Variants in MBNL2 observed in about 807,000 individuals in gnomAD.
The protein encoded by MBNL2 is muscleblind-like protein 2.
Under a neutral mutation model 41.9 loss-of-function variants are expected in MBNL2, and 17 were observed. That is an observed-to-expected ratio of 0.41 (90% CI 0.28 to 0.61). The LOEUF (loss-of-function observed/expected upper bound fraction) is 0.61, where lower values mean the gene tolerates loss of function less well. MBNL2 is among the 20% of genes least tolerant of loss of function. The pLI is 0.35. For synonymous variants in MBNL2, 195 were observed against 182.9 expected (o/e 1.07, Z -0.53); for missense variants, 336 against 505.6 (o/e 0.66, Z 3.22).
chr13:97,303,966 G>T (rs1411015040), intron 2 of MBNL2, among the ~76,000 whole-genome samples: 1 of 152,152 alleles, frequency 6.6e-6, no homozygotes, highest in Non-Finnish European at 1.5e-5. Flanking sequence ...TTTGGTCACT[G>T]GATATAATTT....
chr13:97,153,323 G>A, the MBNL2 span, among the ~76,000 whole-genome samples: 1 of 150,420 alleles, frequency 6.6e-6, no homozygotes, highest in Non-Finnish European at 1.5e-5. Flanking sequence ...GTGTGTGAGT[G>A]TGTGTGTGTG....
intron 2 of MBNL2, among the ~76,000 whole-genome samples, chr13:97,284,073 G>A (rs2053953959): frequency 6.6e-6 from 1 of 152,126 alleles, no homozygotes; most frequent in Non-Finnish European, 1.5e-5. Context: ...AGTTAGACAG[G>A]ATCATCTCTG....
chr13:97,262,877 C>T (rs2048912602), intron 1 of MBNL2, among the ~76,000 whole-genome samples: 1 of 152,186 alleles, frequency 6.6e-6, no homozygotes, highest in African/African-American at 2.4e-5. Flanking sequence ...AATTCTCCTG[C>T]TTCCGCCTCC....
intron 2 of MBNL2, among the ~76,000 whole-genome samples, chr13:97,301,413 C>T (rs1454877028): frequency 6.6e-6 from 1 of 152,176 alleles, no homozygotes; most frequent in African/African-American, 2.4e-5. Context: ...CTAGATAGAT[C>T]TAGATCTGCC....
chr13:97,187,592 T>C, the MBNL2 span, among the ~76,000 whole-genome samples: 1 of 19,576 alleles, frequency 5.1e-5, no homozygotes, highest in Non-Finnish European at 1.5e-4. Context: ...ACTATGCAGC[T>C]TAAAAAAAAA....
chr13:97,356,607 T>G (rs929455921), intron 5 of MBNL2, among the ~76,000 whole-genome samples, 189 bp from the exon 6 acceptor site: 2 of 152,218 alleles, frequency 1.3e-5, no homozygotes, highest in Non-Finnish European at 2.9e-5. Flanking sequence ...TAGAGAACAT[T>G]TTTGTTGTTG....
the MBNL2 span, among the ~76,000 whole-genome samples, chr13:97,191,798 T>G: frequency 6.6e-6 from 1 of 151,970 alleles, no homozygotes; most frequent in African/African-American, 2.4e-5. Context: ...AGAAGAAGCT[T>G]AGGAAGGGGG....
rs576732270 is a variant in MBNL2, at chr13:97,280,475, T to C, written c.174+4066T>C. On this transcript the variant is annotated intron_variant, in intron 2 of 8. Transcript: ENST00000679496. ...TGGGGGAAAATTGTTTAGACAATTT[T>C]TAGAAATTTAGACATAATCTTTTGT... Among the ~76,000 whole-genome samples, 5 of 152,342 alleles carry C rather than the reference T, an allele frequency of 3.3e-5. No homozygotes were observed. The East Asian group carries it at 9.6e-4, about 29-fold the overall frequency.
chr13:97,181,585 G>A, the MBNL2 span, among the ~76,000 whole-genome samples: 8 of 152,176 alleles, frequency 5.3e-5, no homozygotes, highest in African/African-American at 1.9e-4. Flanking sequence ...TTTTGAACAC[G>A]TATAGGAAAG....
the MBNL2 span, among the ~76,000 whole-genome samples, chr13:97,145,957 CTCTTTTCTTTTCTTTTCTTT>C: frequency 0.031 from 4,493 of 144,016 alleles, 230 homozygotes; most frequent in African/African-American, 0.11. Flanking sequence ...CAGGGTTCTA[CTCTTTTCTTTTCTTTTCTTT>C]TCTTTTCTTT....
At chr13:97,361,266 T>A (rs1320074751) in intron 7 of MBNL2, among the ~76,000 whole-genome samples, 1 of 152,186 alleles carries the variant, frequency 6.6e-6, no homozygotes, top group African/African-American at 2.4e-5. Context: ...AGGAGAAATT[T>A]GCCTAGGAGT....
At chr13:97,230,114 A>G (rs144428974) in intron 1 of MBNL2, among the ~76,000 whole-genome samples, 1 of 152,236 alleles carries the variant, frequency 6.6e-6, no homozygotes, top group African/African-American at 2.4e-5. Context: ...CCTGACCAAC[A>G]TGGTGAAACC....
chr13:97,241,379 A>G (rs1249552775), intron 1 of MBNL2, among the ~76,000 whole-genome samples: 1 of 152,206 alleles, frequency 6.6e-6, no homozygotes, highest in East Asian at 1.9e-4. Context: ...AGAAATAAGA[A>G]CAGAAACGTG....
intron 5 of MBNL2, among the ~76,000 whole-genome samples, chr13:97,348,510 T>C (rs1441449701): frequency 2.6e-5 from 4 of 152,206 alleles, no homozygotes; most frequent in African/African-American, 7.2e-5. Context: ...TGATAGGCAC[T>C]ATGCATTCAT....
At chr13:97,321,039 C>T (rs575256190) in intron 2 of MBNL2, among the ~76,000 whole-genome samples, 2 of 152,278 alleles carry the variant, frequency 1.3e-5, no homozygotes, top group East Asian at 1.9e-4. Flanking sequence ...TTAGAGTCCA[C>T]CCTAATGTCC....
the MBNL2 span, among the ~76,000 whole-genome samples, chr13:97,199,148 G>A: frequency 6.6e-6 from 1 of 152,002 alleles, no homozygotes; most frequent in African/African-American, 2.4e-5. Context: ...TGCTGTTTCT[G>A]GCCTTTGCAT....
At chr13:97,191,295 G>A in the MBNL2 span, among the ~76,000 whole-genome samples, 1 of 150,772 alleles carries the variant, frequency 6.6e-6, no homozygotes, top group Non-Finnish European at 1.5e-5. Flanking sequence ...GTGGGGAGGA[G>A]CCTGGCCCCT....
intron 2 of MBNL2, among the ~76,000 whole-genome samples, chr13:97,285,211 C>A (rs2054184419): frequency 6.6e-6 from 1 of 152,284 alleles, no homozygotes. Context: ...TGCATCTGAG[C>A]CCTGGCTTTG....
the MBNL2 span, among the ~76,000 whole-genome samples, chr13:97,151,740 C>G: frequency 6.6e-6 from 1 of 152,136 alleles, no homozygotes; most frequent in East Asian, 1.9e-4. Context: ...TTTCATCCCC[C>G]TTCTTTGTTT....
Sources: gnomAD v4.1 joint callset for allele counts (sites outside exome capture counted in the v4.1 genomes callset) on GRCh38, gnomAD v4.1.1 for gene constraint, MANE v1.5 for transcripts, NCBI Gene and HGNC (gene_info 2026-07-23, HGNC 2026-07-21) for gene names.